Variants in RAB27B observed in about 807,000 individuals in gnomAD.
RAB27B encodes the protein RAB27B, member RAS oncogene family, also known as ras-related protein Rab-27B.
In RAB27B, 15 loss-of-function variants were observed where a neutral mutation model predicts 24.6. The observed-to-expected ratio is 0.61, with a 90% CI of 0.41 to 0.94. The LOEUF (loss-of-function observed/expected upper bound fraction) is 0.94. RAB27B is among the 40% of genes least tolerant of loss of function. The pLI is 0.00. For synonymous variants in RAB27B, 105 were observed against 92.5 expected, an observed-to-expected ratio of 1.14 and a Z score of -0.78; for missense variants, 261 against 266.8, an observed-to-expected ratio of 0.98 and a Z score of 0.15.
chr18:54,807,216 G>A (rs1003922675), intron 2 of RAB27B, among the ~76,000 whole-genome samples: 1 of 152,190 alleles, frequency 6.6e-6, no homozygotes, highest in Non-Finnish European at 1.5e-5. Context: ...ATTTTGAAAT[G>A]CAGAACCGCT....
At chr18:54,728,903 C>CA (rs58878407) in intron 2 of RAB27B, among the ~76,000 whole-genome samples, 12,816 of 68,426 alleles carry the variant, frequency 0.19, 1,758 homozygotes, top group African/African-American at 0.26. Flanking sequence ...AAAAAAAACC[C>CA]AAAAAAAAAA....
intron 1 of RAB27B, among the ~76,000 whole-genome samples, chr18:54,833,234 C>CTTTTTTTTTTTTTTTTTTTTTTTTTT (rs559070445): frequency 5.4e-5 from 7 of 129,514 alleles, no homozygotes; most frequent in Non-Finnish European, 6.4e-5. Context: ...TTCTTTCTTT[C>CTTTTTTTTTTTTTTTTTTTTTTTTTT]TTTTTTTTTT....
At chr18:54,731,669 A>G (rs1909737866) in intron 2 of RAB27B, among the ~76,000 whole-genome samples, 1 of 152,210 alleles carries the variant, frequency 6.6e-6, no homozygotes, top group Non-Finnish European at 1.5e-5. Flanking sequence ...GTGAAATTCC[A>G]TCTCAAAAAA....
chr18:54,721,691 C>T (rs1277627043), intron 2 of RAB27B, among the ~76,000 whole-genome samples: 3 of 152,054 alleles, frequency 2.0e-5, no homozygotes, highest in Non-Finnish European at 4.4e-5. Context: ...TGCATTGTTA[C>T]TAAAATTATG....
chr18:54,858,389 T>A (rs908425271), intron 1 of RAB27B, among the ~76,000 whole-genome samples: 1 of 149,158 alleles, frequency 6.7e-6, no homozygotes, highest in Non-Finnish European at 1.5e-5. Context: ...TTTTTTTTTT[T>A]TTTTTTTTTT....
chr18:54,816,894 C>T (rs1273401547), intron 2 of RAB27B, among the ~76,000 whole-genome samples: 1 of 152,090 alleles, frequency 6.6e-6, no homozygotes, highest in Non-Finnish European at 1.5e-5. Flanking sequence ...AGGAGTTGTC[C>T]TTTCTAATTT....
At chr18:54,749,115 TGGTG>T (rs1377204908) in intron 2 of RAB27B, among the ~76,000 whole-genome samples, 1 of 152,136 alleles carries the variant, frequency 6.6e-6, no homozygotes, top group East Asian at 1.9e-4. Context: ...TCTTCTTCCT[TGGTG>T]TGATCCTTCC....
Position 54,871,632 on chromosome 18 carries a change from C to T in RAB27B, c.-19-5935C>T, listed in dbSNP as rs573432118. ...CTAAATTGCTGAGGCGGGAGGATCA[C>T]GAGGTCAGGAGATCGAGACCATCCT... On this transcript the variant is annotated intron_variant, in intron 1 of 5. Coordinates refer to ENST00000262094, the MANE Select transcript of RAB27B (RefSeq NM_004163.4). Among the ~76,000 whole-genome samples, 26 of 152,048 alleles carry T rather than the reference C, an allele frequency of 1.7e-4. No homozygotes were observed. The East Asian group carries it at 1.9e-3, about 11-fold the overall frequency.
chr18:54,755,296 A>G (rs1907966689), intron 2 of RAB27B, among the ~76,000 whole-genome samples: 2 of 152,180 alleles, frequency 1.3e-5, no homozygotes, highest in African/African-American at 4.8e-5. Context: ...AGGCTGAGGC[A>G]GGAGAATCAC....
At chr18:54,762,870 T>C (rs1908236500) in intron 2 of RAB27B, among the ~76,000 whole-genome samples, 1 of 152,176 alleles carries the variant, frequency 6.6e-6, no homozygotes, top group Admixed American at 6.5e-5. Context: ...GGCCAGGGAT[T>C]TTTACTCTTT....
intron 2 of RAB27B, among the ~76,000 whole-genome samples, chr18:54,771,046 A>G (rs1395610021): frequency 6.6e-6 from 1 of 152,172 alleles, no homozygotes; most frequent in South Asian, 2.1e-4. Context: ...TGAAGGCTCC[A>G]TGCAGTATGA....
At chr18:54,848,737 G>A (rs1911436519) in intron 1 of RAB27B, among the ~76,000 whole-genome samples, 1 of 152,146 alleles carries the variant, frequency 6.6e-6, no homozygotes, top group Non-Finnish European at 1.5e-5. Flanking sequence ...ACTCAAACAT[G>A]TAAAACCATA....
At chr18:54,728,493 T>C (rs1290523354) in intron 2 of RAB27B, among the ~76,000 whole-genome samples, 1 of 152,126 alleles carries the variant, frequency 6.6e-6, no homozygotes, top group African/African-American at 2.4e-5. Context: ...GGGAAAATTA[T>C]CAAGTGAAAA....
At chr18:54,779,332 G>A (rs1908817930) in intron 2 of RAB27B, among the ~76,000 whole-genome samples, 1 of 152,110 alleles carries the variant, frequency 6.6e-6, no homozygotes, top group Non-Finnish European at 1.5e-5. Context: ...ACATTATATT[G>A]CAGCCTACTT....
chr18:54,796,901 G>C (rs758197850), intron 2 of RAB27B, among the ~76,000 whole-genome samples: 2 of 152,150 alleles, frequency 1.3e-5, no homozygotes, highest in Non-Finnish European at 1.5e-5. Context: ...GTTGTAATAA[G>C]AGTTTGGCCA....
intron 2 of RAB27B, among the ~76,000 whole-genome samples, chr18:54,791,279 G>A (rs1184173796): frequency 6.6e-6 from 1 of 152,192 alleles, no homozygotes; most frequent in Admixed American, 6.5e-5. Context: ...TATGGATCAA[G>A]TGTATCAGAC....
intron 2 of RAB27B, among the ~76,000 whole-genome samples, chr18:54,747,289 G>T (rs766734007): frequency 6.6e-6 from 1 of 152,124 alleles, no homozygotes; most frequent in Non-Finnish European, 1.5e-5. Flanking sequence ...CCAGCCCAAT[G>T]TCTCACTCTC....
chr18:54,784,371 G>T (rs1909013628), intron 2 of RAB27B, among the ~76,000 whole-genome samples: 2 of 152,106 alleles, frequency 1.3e-5, no homozygotes, highest in African/African-American at 4.8e-5. Context: ...ATGATGCTGT[G>T]GTTTGGGCTT....
Position 54,883,370 on chromosome 18 carries a change from T to A in RAB27B, c.240-963T>A, listed in dbSNP as rs144110806. Reference sequence around the variant, plus strand: ...CCTCTGAGGAAACCAACACAAAGGATCTATAAAAAGGCTAAAATAGGAGAC... The same window carrying A: ...CCTCTGAGGAAACCAACACAAAGGAACTATAAAAAGGCTAAAATAGGAGAC... On this transcript the variant is annotated intron_variant, in intron 3 of 5. Coordinates refer to ENST00000262094, the MANE Select transcript of RAB27B (RefSeq NM_004163.4). Among the ~76,000 whole-genome samples, 282 of 152,114 alleles carry A rather than the reference T, an allele frequency of 1.9e-3. 1 individual carries two copies. Among genetic ancestry groups the A allele is most frequent in the South Asian group, 0.018 (87 of 4,816 alleles).
Sources: gnomAD v4.1 joint callset for allele counts (sites outside exome capture counted in the v4.1 genomes callset) on GRCh38, gnomAD v4.1.1 for gene constraint, MANE v1.5 for transcripts, NCBI Gene and HGNC (gene_info 2026-07-23, HGNC 2026-07-21) for gene names.